BMP5: variants seen among roughly 807,000 people sequenced by gnomAD.
BMP5 encodes bone morphogenetic protein 5.
Under a neutral mutation model 46.6 loss-of-function variants are expected in BMP5, and 23 were observed. The observed-to-expected ratio is 0.49, with a 90% confidence interval of 0.35 to 0.70. The LOEUF (loss-of-function observed/expected upper bound fraction) is 0.70, where lower values mean the gene tolerates loss of function less well. Among genes scored for constraint, BMP5 ranks in the 30% least tolerant of loss-of-function variants. BMP5 has a pLI of 0.00. For missense variants in BMP5, 545 were observed against 565.6 expected, an observed-to-expected ratio of 0.96 and a Z score of 0.37; for synonymous variants, 204 against 191.9, an observed-to-expected ratio of 1.06 and a Z score of -0.52.
At chr6:55,786,187 C>G (rs1003013804) in intron 3 of BMP5, among the ~76,000 whole-genome samples, 3 of 151,648 alleles carry the variant, frequency 2.0e-5, no homozygotes, top group Non-Finnish European at 3.0e-5. Context: ...TAATACCAGC[C>G]TCCTCTAAGA....
chr6:55,821,905 T>G (rs563681566), intron 1 of BMP5, among the ~76,000 whole-genome samples: 1 of 152,332 alleles, frequency 6.6e-6, no homozygotes, highest in South Asian at 2.1e-4. Flanking sequence ...GAACTAAATC[T>G]AACTCACTGT....
At chr6:55,763,256 T>C (rs541651274) in intron 4 of BMP5, among the ~76,000 whole-genome samples, 1 of 152,140 alleles carries the variant, frequency 6.6e-6, no homozygotes, top group Non-Finnish European at 1.5e-5. Flanking sequence ...TTGAATTCTA[T>C]GTATATAAAA....
chr6:55,775,471 A>C (rs1209132185), intron 3 of BMP5, among the ~76,000 whole-genome samples: 4 of 151,994 alleles, frequency 2.6e-5, no homozygotes, highest in African/African-American at 9.7e-5. Flanking sequence ...GATGATATTT[A>C]ACCTTAAATT....
chr6:55,861,852 G>A (rs1266036687), intron 1 of BMP5, among the ~76,000 whole-genome samples: 1 of 152,180 alleles, frequency 6.6e-6, no homozygotes, highest in Non-Finnish European at 1.5e-5. Context: ...CTTCTCAATA[G>A]CATTGACAAA....
chr6:55,811,031 T>C (rs897764539), intron 2 of BMP5, among the ~76,000 whole-genome samples: 1 of 152,178 alleles, frequency 6.6e-6, no homozygotes, highest in Non-Finnish European at 1.5e-5. Context: ...ACTGAAGATA[T>C]GCAAGCTATG....
chr6:55,874,381 T>G lies in BMP5; in HGVS notation c.485A>C (p.Asn162Thr). Residue 162 changes from asparagine (N) to threonine (T), a missense_variant, in exon 1 of 7, where the codon AAC becomes ACC. Asn to Thr is a moderately conservative substitution (Grantham distance 65). Coordinates refer to ENST00000370830, the MANE Select transcript of BMP5 (RefSeq NM_021073.4). ...CAAACAAATGAACAACATACCTAAG[T>G]TGACAAAGCTCATGACCATGTCAGC... ...NDADMVMSFVNLVERDKDFSH... is the reference protein window; with the variant it reads ...NDADMVMSFVTLVERDKDFSH... The G allele has an allele frequency of 6.2e-7, 1 of 1,613,058 alleles. No individual in the cohort carries two copies. Among genetic ancestry groups the G allele is most frequent in the Non-Finnish European group, 8.5e-7 (1 of 1,179,386 alleles).
intron 1 of BMP5, among the ~76,000 whole-genome samples, chr6:55,857,840 G>C (rs544096988): frequency 2.6e-5 from 4 of 152,044 alleles, no homozygotes; most frequent in Admixed American, 2.6e-4. Flanking sequence ...CCAGGCTCAA[G>C]CGATTCTCCT....
chr6:55,791,438 C>A (rs1775570232), intron 3 of BMP5, among the ~76,000 whole-genome samples: 1 of 152,018 alleles, frequency 6.6e-6, no homozygotes, highest in Non-Finnish European at 1.5e-5. Flanking sequence ...GGAAAAGCAA[C>A]AAAAGGCTGT....
chr6:55,814,377 C>T (rs114471821), intron 2 of BMP5, among the ~76,000 whole-genome samples: 1,852 of 152,198 alleles, frequency 0.012, 38 homozygotes, highest in African/African-American at 0.042. Flanking sequence ...TATTTATTAT[C>T]AACTATGATC....
chr6:55,829,079 A>C, intron 1 of BMP5, among the ~76,000 whole-genome samples: 2 of 152,002 alleles, frequency 1.3e-5, no homozygotes, highest in South Asian at 4.1e-4. Flanking sequence ...ATAAAACTAT[A>C]AGAATATATT....
chr6:55,771,990 A>G (rs1033882237), intron 4 of BMP5, among the ~76,000 whole-genome samples: 14 of 151,822 alleles, frequency 9.2e-5, no homozygotes, highest in Non-Finnish European at 1.8e-4. Context: ...ACCAAATCCT[A>G]TGAGGATTTT....
At chr6:55,842,901 A>C (rs1222604386) in intron 1 of BMP5, among the ~76,000 whole-genome samples, 2 of 152,132 alleles carry the variant, frequency 1.3e-5, no homozygotes, top group African/African-American at 4.8e-5. Context: ...ATTTCAGCTA[A>C]AATTACATAT....
At chr6:55,802,668 T>C (rs1775877287) in intron 2 of BMP5, among the ~76,000 whole-genome samples, 1 of 152,146 alleles carries the variant, frequency 6.6e-6, no homozygotes, top group South Asian at 2.1e-4. Flanking sequence ...ATGAGTATTG[T>C]AATATGGTAT....
At chr6:55,772,807 C>T in intron 4 of BMP5, 1 of 985,076 alleles carries the variant, frequency 1.0e-6, no homozygotes. Flanking sequence ...TTCCCTCCTG[C>T]TTCTGTTGCT....
intron 1 of BMP5, among the ~76,000 whole-genome samples, chr6:55,835,638 C>T (rs140630674): frequency 7.6e-4 from 115 of 152,282 alleles, no homozygotes; most frequent in African/African-American, 2.6e-3. Flanking sequence ...CTCAGGAGTA[C>T]ATGGTCCTAC....
intron 2 of BMP5, among the ~76,000 whole-genome samples, chr6:55,795,644 G>T (rs1775694489): frequency 6.6e-6 from 1 of 151,996 alleles, no homozygotes; most frequent in African/African-American, 2.4e-5. Context: ...TAAAAAATGT[G>T]TATCTTAGAA....
At chr6:55,781,750 G>C (rs1775323272) in intron 3 of BMP5, among the ~76,000 whole-genome samples, 1 of 151,842 alleles carries the variant, frequency 6.6e-6, no homozygotes, top group South Asian at 2.1e-4. Context: ...TAGGACTAGA[G>C]GCATGTGCCA....
Position 55,868,188 on chromosome 6 carries a change from C to CTATAGTCCTGAATAAAATAGATG in BMP5, c.490+6187_490+6188insCATCTATTTTATTCAGGACTATA, listed in dbSNP as rs1777695595. ...CATGTGTTATAGTCCTGAATAAAAT[C>CTATAGTCCTGAATAAAATAGATG]TAAATAGGATTTACATCTGTTGATC... On this transcript the variant is annotated intron_variant, in intron 1 of 6. Transcript: ENST00000370830. 3.9e-5 allele frequency among the ~76,000 whole-genome samples: 6 copies of CTATAGTCCTGAATAAAATAGATG among 152,298 alleles called. No homozygotes were observed. In the East Asian group the frequency reaches 9.6e-4, roughly 24 times the overall value.
chr6:55,797,177 C>A (rs1353587207), intron 2 of BMP5, among the ~76,000 whole-genome samples: 2 of 151,986 alleles, frequency 1.3e-5, no homozygotes, highest in Non-Finnish European at 2.9e-5. Flanking sequence ...TTCTTAAAAA[C>A]AAGTCCCCCC....
Sources: allele counts gnomAD v4.1 joint callset (sites outside exome capture counted in the v4.1 genomes callset), GRCh38; gene constraint gnomAD v4.1.1; transcripts MANE v1.5; gene names NCBI Gene and HGNC (gene_info 2026-07-23, HGNC 2026-07-21).